MTHFD2L: variants seen among roughly 807,000 people sequenced by gnomAD.
MTHFD2L encodes methylenetetrahydrofolate dehydrogenase (NADP+ dependent) 2 like, also known as bifunctional methylenetetrahydrofolate dehydrogenase/cyclohydrolase 2, mitochondrial.
In MTHFD2L, 29 loss-of-function variants were observed where a neutral mutation model predicts 34.9. That is an observed-to-expected ratio of 0.83 (90% CI 0.62 to 1.13). The LOEUF (loss-of-function observed/expected upper bound fraction) is 1.13, where lower values mean the gene tolerates loss of function less well. MTHFD2L is among the 50% of genes most tolerant of loss of function. The pLI, the probability that MTHFD2L is intolerant of heterozygous loss-of-function variation, is 0.00. For synonymous variants in MTHFD2L, 167 were observed against 155.7 expected, an observed-to-expected ratio of 1.07 and a Z score of -0.54; for missense variants, 481 against 446.5, an observed-to-expected ratio of 1.08 and a Z score of -0.70.
rs546904320 is a variant in MTHFD2L at position 74,215,577 on chromosome 4, G to A, written c.713-9725G>A. On this transcript the variant is annotated intron_variant, in intron 5 of 7. Coordinates refer to ENST00000325278, the MANE Select transcript of MTHFD2L (RefSeq NM_001144978.3). ...TGAGCCAAGTACCTTAGTTGGAAAT[G>A]CAGAAATCACCCACCTTCTGCATTG... 5.5e-4 allele frequency among the ~76,000 whole-genome samples: 83 copies of A among 151,730 alleles called. 3 individuals carry two copies. Among genetic ancestry groups the A allele is most frequent in the African/African-American group, 2.0e-3 (82 of 41,078 alleles).
chr4:74,118,309 C>A (rs2109767458), intron 2 of MTHFD2L, among the ~76,000 whole-genome samples: 1 of 152,256 alleles, frequency 6.6e-6, no homozygotes, highest in South Asian at 2.1e-4. Context: ...ATACATAGGC[C>A]TCAGCTGTTC....
chr4:74,245,821 G>A (rs1179493948), intron 6 of MTHFD2L, among the ~76,000 whole-genome samples: 2 of 151,696 alleles, frequency 1.3e-5, no homozygotes, highest in African/African-American at 4.9e-5. Flanking sequence ...CCTTTTTTAT[G>A]GCTGCATAGT....
At chr4:74,157,831 T>A (rs1385077919), upstream of MTHFD2L, 8 of 569,008 alleles carry the variant, frequency 1.4e-5, no homozygotes, top group African/African-American at 7.4e-5. Context: ...GCCGTCGCTA[T>A]GGGAATGCCA....
intron 5 of MTHFD2L, among the ~76,000 whole-genome samples, chr4:74,206,901 T>A (rs1735425632): frequency 6.6e-6 from 1 of 152,266 alleles, no homozygotes; most frequent in South Asian, 2.1e-4. Context: ...TTTATTTTAA[T>A]TTTGAATTTT....
intron 5 of MTHFD2L, among the ~76,000 whole-genome samples, chr4:74,211,219 A>G (rs1736261608): frequency 6.6e-6 from 1 of 151,966 alleles, no homozygotes; most frequent in Non-Finnish European, 1.5e-5. Flanking sequence ...GCAATATTAT[A>G]TTGAATAGGA....
chr4:74,294,304 T>G (rs775342983), intron 7 of MTHFD2L, among the ~76,000 whole-genome samples: 2 of 152,064 alleles, frequency 1.3e-5, no homozygotes, highest in Non-Finnish European at 2.9e-5. Context: ...GTATATATAA[T>G]GTACTGAAGT....
rs147970923 is a variant in MTHFD2L at position 74,290,640 on chromosome 4, C to CTGTGTGTG, written c.931+9104_931+9111dup. On this transcript the variant is annotated intron_variant, in intron 7 of 7. Transcript: ENST00000325278. ...GCCAAGCATAATGCCTGGTGAAAGA[C>CTGTGTGTG]TGTGTGTGTGTGTGTGTGTGTACGC... 3.4e-3 allele frequency among the ~76,000 whole-genome samples: 513 copies of CTGTGTGTG among 149,306 alleles called. 3 individuals carry two copies. The highest frequency in any genetic ancestry group is 0.012 in the African/African-American group (490 of 40,908).
chr4:74,147,807 C>A (rs1298281457), intron 1 of MTHFD2L, among the ~76,000 whole-genome samples: 1 of 151,970 alleles, frequency 6.6e-6, no homozygotes, highest in Non-Finnish European at 1.5e-5. Context: ...TTTTATTGGC[C>A]ATTTGGAAAA....
At chr4:74,234,385 T>C (rs557134863) in intron 6 of MTHFD2L, among the ~76,000 whole-genome samples, 1 of 152,204 alleles carries the variant, frequency 6.6e-6, no homozygotes, top group Non-Finnish European at 1.5e-5. Context: ...TATAACTTGC[T>C]TTGTTTTGAC....
chr4:74,222,845 T>G (rs952980021), intron 5 of MTHFD2L, among the ~76,000 whole-genome samples: 1 of 152,072 alleles, frequency 6.6e-6, no homozygotes, highest in Non-Finnish European at 1.5e-5. Context: ...ACTCTCATTT[T>G]TTTACATGAA....
At chr4:74,144,250 C>T (rs1005670266) in intron 1 of MTHFD2L, among the ~76,000 whole-genome samples, 93 of 152,002 alleles carry the variant, frequency 6.1e-4, no homozygotes, top group African/African-American at 2.1e-3. Context: ...GTCAGGAGTT[C>T]GAGACCAGCC....
intron 1 of MTHFD2L, among the ~76,000 whole-genome samples, chr4:74,162,679 G>A (rs540674980): frequency 3.4e-4 from 52 of 152,142 alleles, no homozygotes; most frequent in Non-Finnish European, 6.2e-4. Flanking sequence ...TATGTCCTTC[G>A]ATCCTCACAA....
At chr4:74,138,387 T>A (rs899043317) in intron 1 of MTHFD2L, among the ~76,000 whole-genome samples, 8 of 152,140 alleles carry the variant, frequency 5.3e-5, no homozygotes, top group Non-Finnish European at 1.0e-4. Context: ...GCAGCAAACC[T>A]TTTGTCCTCT....
intron 6 of MTHFD2L, among the ~76,000 whole-genome samples, chr4:74,245,042 A>C (rs1742224723): frequency 6.6e-6 from 1 of 151,930 alleles, no homozygotes; most frequent in Non-Finnish European, 1.5e-5. Flanking sequence ...AAAATACAAA[A>C]AAATTAGCGA....
chr4:74,257,874 A>G (rs1744222016), intron 6 of MTHFD2L, among the ~76,000 whole-genome samples: 1 of 152,152 alleles, frequency 6.6e-6, no homozygotes, highest in Non-Finnish European at 1.5e-5. Flanking sequence ...CTCATTAGCA[A>G]AAAGTCCACA....
At chr4:74,271,894 T>C (rs1313924336) in intron 6 of MTHFD2L, among the ~76,000 whole-genome samples, 2 of 152,172 alleles carry the variant, frequency 1.3e-5, no homozygotes, top group Non-Finnish European at 2.9e-5. Flanking sequence ...ACATCCCTTG[T>C]AAGTTGGATT....
intron 7 of MTHFD2L, among the ~76,000 whole-genome samples, chr4:74,281,818 G>A (rs1747525060): frequency 6.6e-6 from 1 of 151,390 alleles, no homozygotes; most frequent in African/African-American, 2.4e-5. Flanking sequence ...ATTTCTTATA[G>A]TACAGTTTTT....
At chr4:74,212,389 T>C (rs1309588765) in intron 5 of MTHFD2L, among the ~76,000 whole-genome samples, 1 of 152,158 alleles carries the variant, frequency 6.6e-6, no homozygotes, top group African/African-American at 2.4e-5. Context: ...TTCTGTTACA[T>C]TGTGTCTTTG....
chr4:74,207,766 C>CTTTTTTTTTTTTTTTTTTT (rs768932793), intron 5 of MTHFD2L, among the ~76,000 whole-genome samples: 3 of 128,476 alleles, frequency 2.3e-5, no homozygotes, highest in African/African-American at 9.2e-5. Flanking sequence ...TGAAAAAGAA[C>CTTTTTTTTTTTTTTTTTTT]TTTTTTTTTT....
Sources: gnomAD v4.1 joint callset for allele counts (sites outside exome capture counted in the v4.1 genomes callset) on GRCh38, gnomAD v4.1.1 for gene constraint, MANE v1.5 for transcripts, NCBI Gene and HGNC (gene_info 2026-07-23, HGNC 2026-07-21) for gene names.